The following BRINP3 variants were observed in gnomAD, a reference collection of about 807,000 sequenced individuals.
BRINP3 encodes BMP/retinoic acid inducible neural specific 3, also known as BMP/retinoic acid-inducible neural-specific protein 3.
A neutral mutation model predicts 71.0 loss-of-function variants in BRINP3; 19 were observed. That is an observed-to-expected ratio of 0.27 (90% confidence interval 0.19 to 0.39). The LOEUF is 0.39. Ranked by LOEUF, BRINP3 falls within the 10% of genes least tolerant of loss-of-function variation. The pLI, the probability that BRINP3 is intolerant of heterozygous loss-of-function variation, is 1.00. For missense variants in BRINP3, 959 were observed against 940.8 expected, an observed-to-expected ratio of 1.02 and a Z score of -0.25; for synonymous variants, 380 against 337.7, an observed-to-expected ratio of 1.13 and a Z score of -1.37.
intron 2 of BRINP3, among the ~76,000 whole-genome samples, chr1:190,293,700 T>C (rs1046205321): frequency 6.6e-6 from 1 of 152,186 alleles, no homozygotes; most frequent in Non-Finnish European, 1.5e-5. Flanking sequence ...TTGGGTGTTG[T>C]GGTATTAGTA....
chr1:190,357,219 A>G (rs1185013097), intron 2 of BRINP3, among the ~76,000 whole-genome samples: 1 of 152,052 alleles, frequency 6.6e-6, no homozygotes, highest in Non-Finnish European at 1.5e-5. Flanking sequence ...AGGCCTATGC[A>G]TCTTTTTTAA....
chr1:190,325,384 A>C (rs937408302), intron 2 of BRINP3, among the ~76,000 whole-genome samples: 6 of 152,176 alleles, frequency 3.9e-5, no homozygotes, highest in Non-Finnish European at 7.4e-5. Flanking sequence ...GACTGACAGA[A>C]AGTTAAAACC....
intron 6 of BRINP3, among the ~76,000 whole-genome samples, chr1:190,162,715 T>C (rs956569455): frequency 6.6e-6 from 1 of 152,220 alleles, no homozygotes; most frequent in Non-Finnish European, 1.5e-5. Flanking sequence ...GGGATTTAAA[T>C]TCATAAATTT....
chr1:190,125,996 C>T (rs1396633123), intron 7 of BRINP3, among the ~76,000 whole-genome samples: 2 of 151,150 alleles, frequency 1.3e-5, no homozygotes, highest in Non-Finnish European at 3.0e-5. Context: ...AAAGGCCTTC[C>T]TAACATAAGT....
At chr1:190,129,682 G>T (rs183455901) in intron 7 of BRINP3, among the ~76,000 whole-genome samples, 21 of 151,654 alleles carry the variant, frequency 1.4e-4, no homozygotes, top group Admixed American at 1.2e-3. Context: ...CTTGTTAGCA[G>T]TCTTTATTAT....
chr1:190,322,728 A>G (rs928088411), intron 2 of BRINP3, among the ~76,000 whole-genome samples: 5 of 152,056 alleles, frequency 3.3e-5, no homozygotes, highest in Non-Finnish European at 5.9e-5. Context: ...TTACATGTCT[A>G]CCATCCAACC....
intron 3 of BRINP3, among the ~76,000 whole-genome samples, chr1:190,275,945 C>T (rs1006461044): frequency 3.5e-4 from 53 of 150,284 alleles, no homozygotes; most frequent in African/African-American, 1.3e-3. Context: ...ACCAGTGAAA[C>T]ATGATATATA....
At chr1:190,271,655 C>A (rs989979554) in intron 3 of BRINP3, among the ~76,000 whole-genome samples, 7 of 151,484 alleles carry the variant, frequency 4.6e-5, no homozygotes, top group African/African-American at 1.7e-4. Flanking sequence ...GAGTAAAGAT[C>A]TCCCACCACA....
intron 2 of BRINP3, among the ~76,000 whole-genome samples, chr1:190,330,491 C>A (rs971282486): frequency 2.6e-5 from 4 of 151,948 alleles, no homozygotes; most frequent in African/African-American, 9.7e-5. Context: ...CAGCTGCTGG[C>A]AAGGCTGTGA....
At chr1:190,206,578 T>C (rs1655521864) in intron 6 of BRINP3, among the ~76,000 whole-genome samples, 1 of 152,116 alleles carries the variant, frequency 6.6e-6, no homozygotes, top group Non-Finnish European at 1.5e-5. Context: ...CAACTCGATA[T>C]TAATGAACAG....
intron 2 of BRINP3, among the ~76,000 whole-genome samples, chr1:190,411,854 G>C (rs996502189): frequency 6.6e-6 from 1 of 152,166 alleles, no homozygotes; most frequent in Non-Finnish European, 1.5e-5. Flanking sequence ...TAAATCCTAA[G>C]AGCTTGAAAA....
intron 6 of BRINP3, among the ~76,000 whole-genome samples, chr1:190,191,416 C>T (rs1372867726): frequency 6.6e-6 from 1 of 152,040 alleles, no homozygotes; most frequent in Admixed American, 6.6e-5. Flanking sequence ...CACCTCCACC[C>T]CTCAACAGGC....
intron 2 of BRINP3, among the ~76,000 whole-genome samples, chr1:190,330,133 G>C (rs1352202942): frequency 6.6e-6 from 1 of 151,896 alleles, no homozygotes; most frequent in African/African-American, 2.4e-5. Flanking sequence ...AAACTGGCAA[G>C]TAGGACCTAT....
At chr1:190,460,399 A>T (rs1318734578) in intron 1 of BRINP3, among the ~76,000 whole-genome samples, 5 of 151,894 alleles carry the variant, frequency 3.3e-5, no homozygotes, top group Non-Finnish European at 7.4e-5. Flanking sequence ...AATACTAAAT[A>T]CATAATTGTG....
intron 2 of BRINP3, among the ~76,000 whole-genome samples, chr1:190,447,002 AG>A (rs1675261050): frequency 6.6e-6 from 1 of 151,970 alleles, no homozygotes; most frequent in South Asian, 2.1e-4. Context: ...AAGATGAAAA[AG>A]TTCTGTCTTC....
intron 1 of BRINP3, among the ~76,000 whole-genome samples, chr1:190,463,936 G>T (rs985827921): frequency 6.6e-6 from 1 of 151,716 alleles, no homozygotes; most frequent in Non-Finnish European, 1.5e-5. Context: ...TAGGCCATTC[G>T]TCCTATAAAT....
chr1:190,156,683 G>A (rs1215931023), intron 7 of BRINP3, among the ~76,000 whole-genome samples: 5 of 151,914 alleles, frequency 3.3e-5, no homozygotes, highest in East Asian at 1.9e-4. Flanking sequence ...TTTTGTGTGT[G>A]TGGTGACTAA....
intron 4 of BRINP3, among the ~76,000 whole-genome samples, chr1:190,238,946 C>T (rs776607262): frequency 2.0e-5 from 3 of 152,114 alleles, no homozygotes; most frequent in Non-Finnish European, 4.4e-5. Context: ...TAGGTTTAAT[C>T]GACTTGCAGT....
intron 3 of BRINP3, among the ~76,000 whole-genome samples, chr1:190,270,548 A>T (rs1187026921): frequency 6.6e-6 from 1 of 151,806 alleles, no homozygotes; most frequent in Non-Finnish European, 1.5e-5. Flanking sequence ...GTGCATGAGC[A>T]GCATACTCAT....
Sources: allele counts gnomAD v4.1 joint callset (sites outside exome capture counted in the v4.1 genomes callset), GRCh38; gene constraint gnomAD v4.1.1; transcripts MANE v1.5; gene names NCBI Gene and HGNC (gene_info 2026-07-23, HGNC 2026-07-21).